The following MRPS28 variants were observed in gnomAD, a reference collection of about 807,000 sequenced individuals.
MRPS28 encodes the protein small ribosomal subunit protein bS1m.
A neutral mutation model predicts 10.8 loss-of-function variants in MRPS28; 7 were observed. The ratio of observed to expected loss-of-function variants is 0.65; its 90% confidence interval spans 0.37 to 1.22. MRPS28 has a LOEUF of 1.22. Among genes scored for constraint, MRPS28 ranks in the 50% most tolerant of loss-of-function variants. MRPS28 has a pLI of 0.02. For synonymous variants in MRPS28, 121 were observed against 93.3 expected (o/e 1.30, Z -1.71); for missense variants, 265 against 232.9 (o/e 1.14, Z -0.90).
At chr8:80,006,196 C>T (rs1808837820) in intron 1 of MRPS28, among the ~76,000 whole-genome samples, 1 of 152,192 alleles carries the variant, frequency 6.6e-6, no homozygotes, top group African/African-American at 2.4e-5. Flanking sequence ...TTCTCAGCAC[C>T]ACATCACACT....
At chr8:80,018,363 G>C (rs1444257744) in intron 1 of MRPS28, among the ~76,000 whole-genome samples, 1 of 147,584 alleles carries the variant, frequency 6.8e-6, no homozygotes, top group Non-Finnish European at 1.5e-5. Flanking sequence ...ACATACAAAT[G>C]GCAAACAGGC....
At chr8:79,921,642 G>T (rs1810097173) in intron 2 of MRPS28, among the ~76,000 whole-genome samples, 1 of 152,178 alleles carries the variant, frequency 6.6e-6, no homozygotes, top group Non-Finnish European at 1.5e-5. Context: ...TGTATCCTGA[G>T]ACTTTGCTGA....
chr8:79,954,546 C>T (rs1383238291), intron 2 of MRPS28, among the ~76,000 whole-genome samples: 1 of 152,130 alleles, frequency 6.6e-6, no homozygotes, highest in East Asian at 1.9e-4. Context: ...TCTGAACTAA[C>T]CTTCCTTTTC....
At chr8:79,937,813 G>C (rs1046624660) in intron 2 of MRPS28, among the ~76,000 whole-genome samples, 1 of 152,150 alleles carries the variant, frequency 6.6e-6, no homozygotes, top group African/African-American at 2.4e-5. Context: ...TTGTAAAGCA[G>C]CTGTTAAATA....
intron 2 of MRPS28, among the ~76,000 whole-genome samples, chr8:79,973,530 A>T (rs1807693719): frequency 6.6e-6 from 1 of 152,182 alleles, no homozygotes; most frequent in African/African-American, 2.4e-5. Flanking sequence ...CCAGCACATT[A>T]TAGCCTCAAA....
chr8:79,978,865 G>C (rs1807872550), intron 2 of MRPS28, among the ~76,000 whole-genome samples: 1 of 152,156 alleles, frequency 6.6e-6, no homozygotes, highest in African/African-American at 2.4e-5. Flanking sequence ...AGAATGGAAA[G>C]AGGCAAGAAC....
At chr8:79,983,194 C>G (rs1808027069) in intron 2 of MRPS28, among the ~76,000 whole-genome samples, 3 of 152,176 alleles carry the variant, frequency 2.0e-5, no homozygotes, top group Admixed American at 2.0e-4. Flanking sequence ...CAAACTCCAA[C>G]AGACCTGCAG....
intron 1 of MRPS28, among the ~76,000 whole-genome samples, chr8:80,019,535 G>C (rs1006121662): frequency 6.6e-6 from 1 of 151,802 alleles, no homozygotes; most frequent in African/African-American, 2.4e-5. Flanking sequence ...ATATGTAATG[G>C]TAAGTAACTT....
intron 2 of MRPS28, among the ~76,000 whole-genome samples, chr8:79,997,821 G>A (rs1480220369): frequency 2.0e-5 from 3 of 152,112 alleles, no homozygotes; most frequent in African/African-American, 7.2e-5. Context: ...TTGGGAGGCT[G>A]AGACGGGCGG....
At chr8:79,927,163 G>C (rs1810252014) in intron 2 of MRPS28, among the ~76,000 whole-genome samples, 1 of 152,178 alleles carries the variant, frequency 6.6e-6, no homozygotes, top group Non-Finnish European at 1.5e-5. Context: ...AAATTAAAGA[G>C]ATTAACAGGT....
At chr8:79,976,598 C>T (rs577506372) in intron 2 of MRPS28, among the ~76,000 whole-genome samples, 5 of 152,036 alleles carry the variant, frequency 3.3e-5, no homozygotes, top group East Asian at 2.0e-4. Context: ...CCCAACTACA[C>T]GGGAGGCTGA....
At chr8:79,963,676 C>A (rs1807428799) in intron 2 of MRPS28, among the ~76,000 whole-genome samples, 2 of 152,206 alleles carry the variant, frequency 1.3e-5, no homozygotes, top group South Asian at 4.2e-4. Flanking sequence ...ATAGAGTCCC[C>A]CTCAGTTCTC....
intron 2 of MRPS28, among the ~76,000 whole-genome samples, chr8:79,929,393 C>G (rs190292819): frequency 6.6e-6 from 1 of 152,210 alleles, no homozygotes; most frequent in Admixed American, 6.5e-5. Context: ...GTGACCTGCT[C>G]CGTGCAACAC....
intron 1 of MRPS28, among the ~76,000 whole-genome samples, chr8:80,026,303 T>G (rs78948679): frequency 6.6e-6 from 1 of 152,192 alleles, no homozygotes; most frequent in African/African-American, 2.4e-5. Flanking sequence ...CACTGAAAAC[T>G]TCCAGTAAAT....
chr8:79,965,353 G>C (rs189181738), intron 2 of MRPS28, among the ~76,000 whole-genome samples: 2 of 152,122 alleles, frequency 1.3e-5, no homozygotes, highest in Admixed American at 1.3e-4. Flanking sequence ...ACACTATACT[G>C]TCTCATTAAT....
intron 2 of MRPS28, chr8:79,957,299 T>C (rs1410313078): frequency 6.6e-6 from 1 of 152,152 alleles, no homozygotes; most frequent in East Asian, 1.9e-4. Context: ...CTTTATGACA[T>C]CATGTAGCAT....
Position 80,005,341 on chromosome 8 carries a change from TAAAGA to T in MRPS28, c.214-2166_214-2162del, listed in dbSNP as rs200090782. On this transcript the variant is annotated intron_variant, in intron 1 of 2. Transcript: ENST00000276585. ...AGTGGGGGCCAATATTCAACATTCTTAAAGAAAAGAATTTTCAACACAGAATTTCA... is the reference window on the plus strand; with the variant it reads ...AGTGGGGGCCAATATTCAACATTCTTAAAGAATTTTCAACACAGAATTTCA... 1.8e-4 allele frequency among the ~76,000 whole-genome samples: 27 copies of T among 152,206 alleles called. No individual in the cohort carries two copies. The East Asian group carries it at 2.5e-3, about 14-fold the overall frequency.
chr8:79,932,900 G>A (rs1357286193), intron 2 of MRPS28, among the ~76,000 whole-genome samples: 2 of 152,156 alleles, frequency 1.3e-5, no homozygotes, highest in Admixed American at 6.5e-5. Context: ...TTAACAAACA[G>A]TTCATTCAGG....
intron 1 of MRPS28, among the ~76,000 whole-genome samples, chr8:80,008,495 A>T (rs1220059707): frequency 6.6e-6 from 1 of 152,242 alleles, no homozygotes; most frequent in Non-Finnish European, 1.5e-5. Flanking sequence ...CAACCTACAG[A>T]ATGGGAGAAC....
Sources: gnomAD v4.1 joint callset for allele counts (sites outside exome capture counted in the v4.1 genomes callset) on GRCh38, gnomAD v4.1.1 for gene constraint, MANE v1.5 for transcripts, NCBI Gene and HGNC (gene_info 2026-07-23, HGNC 2026-07-21) for gene names.